Variants in PEX7 observed in about 807,000 individuals in gnomAD.
PEX7 encodes peroxisomal biogenesis factor 7, also known as PTS2 receptor.
A neutral mutation model predicts 47.5 loss-of-function variants in PEX7; 34 were observed. The observed-to-expected ratio is 0.72, with a 90% CI of 0.54 to 0.95. The LOEUF is 0.95. PEX7 is among the 40% of genes least tolerant of loss of function. PEX7 has a pLI of 0.00. For synonymous variants in PEX7, 141 were observed against 148.8 expected, an observed-to-expected ratio of 0.95 and a Z score of 0.38; for missense variants, 394 against 400.3, an observed-to-expected ratio of 0.98 and a Z score of 0.13.
chr6:136,837,667 T>C (rs1034810872), intron 3 of PEX7, among the ~76,000 whole-genome samples: 5 of 152,112 alleles, frequency 3.3e-5, no homozygotes, highest in African/African-American at 1.2e-4. Flanking sequence ...ATGCAAGATA[T>C]CTTCTTGTGT....
In PEX7 at chr6:136,846,095, C is replaced by T. The variant is rs767150609; in HGVS notation, c.440C>T (p.Ser147Phe). ...TAGTGGGATCCAACTGTTGGAAAGT[C>T]TCTGTGCACCTTTAGAGGCCATGAA... ...VKLWDPTVGK[S>F]LCTFRGHESI... The change falls in exon 5 of 10, where the codon TCT becomes TTT. Residue 147 changes from serine to phenylalanine, a missense_variant. By Grantham distance (155) the Ser-to-Phe change is radical. Transcript: ENST00000318471. The T allele has an allele frequency of 6.2e-7, 1 of 1,611,858 alleles. No homozygotes were observed. The highest frequency in any genetic ancestry group is 1.1e-5 in the South Asian group (1 of 90,996).
Position 136,822,751 on chromosome 6 carries a change from C to T in PEX7, c.86C>T (p.Pro29Leu), listed in dbSNP as rs757852291. ...GCCGCCGAGTTCTCCCCGTACCTGC[C>T]GGGCCGCCTGGCCTGCGCCACCGCG... ...GYAAEFSPYL[P>L]GRLACATAQH... The change falls in exon 1 of 10, where the codon CCG becomes CTG. Residue 29 changes from proline to leucine, a missense_variant. Pro to Leu is a moderately conservative substitution (Grantham distance 98, BLOSUM62 -3). Coordinates refer to ENST00000318471, the MANE Select transcript of PEX7 (RefSeq NM_000288.4). 44 of 1,488,770 alleles carry T rather than the reference C, an allele frequency of 3.0e-5. No individual in the cohort carries two copies. Among genetic ancestry groups the T allele is most frequent in the Middle Eastern group, 2.3e-4 (1 of 4,256 alleles). The allele number at this position is 1,488,770 out of a possible 1,614,324, so 92.2% of individuals were successfully genotyped here. A position where few individuals can be genotyped will look rare whatever the true frequency, so the allele number is the denominator to read the frequency against.
intron 3 of PEX7, among the ~76,000 whole-genome samples, chr6:136,836,912 A>G (rs1309660262): frequency 6.6e-6 from 1 of 152,152 alleles, no homozygotes; most frequent in East Asian, 1.9e-4. Flanking sequence ...AAATCATGCC[A>G]CTGCACTCCA....
chr6:136,825,133 A>G, intron 1 of PEX7, 81 bp from the exon 2 acceptor site: 1 of 1,122,608 alleles, frequency 8.9e-7, no homozygotes, highest in East Asian at 2.3e-5. Context: ...AAAATCAGGT[A>G]TCAATTACTT....
intron 8 of PEX7, among the ~76,000 whole-genome samples, chr6:136,883,889 G>A (rs187610433): frequency 4.9e-4 from 75 of 152,262 alleles, no homozygotes; most frequent in Non-Finnish European, 8.8e-4. Context: ...ACGAAGTGGA[G>A]CATTGCTTCA....
At position 136,848,530 on chromosome 6, in the gene PEX7, A is replaced by C. The variant is rs142677224; in HGVS notation, c.526+2349A>C. Reference sequence around the variant, plus strand: ...TTATTTTGAGATACATCCCATCAATACCTAGTTTATTGAGAGTTTTTAGCA... The same window carrying C: ...TTATTTTGAGATACATCCCATCAATCCCTAGTTTATTGAGAGTTTTTAGCA... On this transcript the variant is annotated intron_variant, in intron 5 of 9. Transcript: ENST00000318471. Among the ~76,000 whole-genome samples the C allele has an allele frequency of 3.8e-3, 576 of 152,262 alleles. 3 individuals carry two copies. The highest frequency in any genetic ancestry group is 0.012 in the African/African-American group (497 of 41,556).
intron 5 of PEX7, among the ~76,000 whole-genome samples, chr6:136,857,990 A>T (rs537045550): frequency 6.6e-6 from 1 of 151,996 alleles, no homozygotes; most frequent in South Asian, 2.1e-4. Flanking sequence ...TAATTTTTGT[A>T]TTTTTGGTAG....
At chr6:136,893,588 C>T (rs1464259497) in intron 8 of PEX7, among the ~76,000 whole-genome samples, 1 of 152,202 alleles carries the variant, frequency 6.6e-6, no homozygotes, top group African/African-American at 2.4e-5. Flanking sequence ...TGGTGCTTAG[C>T]ACCTACCTGG....
intron 5 of PEX7, among the ~76,000 whole-genome samples, chr6:136,856,714 A>G (rs1405004593): frequency 6.6e-6 from 1 of 152,240 alleles, no homozygotes; most frequent in Non-Finnish European, 1.5e-5. Context: ...TGTTACCCAA[A>G]CAACATGGAT....
At chr6:136,890,427 TTCC>T (rs1208496939) in intron 8 of PEX7, among the ~76,000 whole-genome samples, 1 of 152,214 alleles carries the variant, frequency 6.6e-6, no homozygotes, top group Non-Finnish European at 1.5e-5. Context: ...GACTTTGTCA[TTCC>T]TCCTCCTCCT....
chr6:136,900,794 C>T lies in PEX7; in HGVS notation c.903+2553C>T. On this transcript the variant is annotated intron_variant, in intron 9 of 9. Transcript: ENST00000318471. This position sits in a 1 kb window ranked among gnomAD's most constrained non-coding sequence, Gnocchi z 4.2. ...GGTGGTCTCTTAGTGGGGACATCCC[C>T]TTTGCCAACAGCTTTCTTCTCAGCC... 2 of 327,376 alleles carry T rather than the reference C, an allele frequency of 6.1e-6. No individual in the cohort carries two copies. The highest frequency in any genetic ancestry group is 5.5e-5 in the South Asian group (2 of 36,358). 20.3% of individuals were successfully genotyped at this position (327,376 alleles called of 1,614,324 possible).
intron 3 of PEX7, among the ~76,000 whole-genome samples, chr6:136,843,554 T>C (rs971837778): frequency 6.6e-6 from 1 of 152,236 alleles, no homozygotes; most frequent in Non-Finnish European, 1.5e-5. Flanking sequence ...AAATCTAAAG[T>C]ATTTACCATA....
At chr6:136,880,040 G>A (rs1775349838) in intron 8 of PEX7, among the ~76,000 whole-genome samples, 1 of 149,876 alleles carries the variant, frequency 6.7e-6, no homozygotes, top group Non-Finnish European at 1.5e-5. Context: ...GGGTTTTGTT[G>A]GTTTTTTTTC....
At chr6:136,844,064 T>C (rs758410761) in intron 3 of PEX7, among the ~76,000 whole-genome samples, 14 of 152,198 alleles carry the variant, frequency 9.2e-5, no homozygotes, top group Non-Finnish European at 1.8e-4. Flanking sequence ...TTATTATGAT[T>C]GGCAAATAAA....
At chr6:136,852,299 G>T (rs1430827923) in intron 5 of PEX7, among the ~76,000 whole-genome samples, 4 of 150,304 alleles carry the variant, frequency 2.7e-5, no homozygotes, top group Non-Finnish European at 5.9e-5. Flanking sequence ...AGTGTTGGAA[G>T]TTCTGGCCAG....
intron 5 of PEX7, among the ~76,000 whole-genome samples, chr6:136,853,679 A>C (rs1774802396): frequency 6.6e-6 from 1 of 152,166 alleles, no homozygotes; most frequent in African/African-American, 2.4e-5. Flanking sequence ...ATATACAGAC[A>C]AGTATATCCA....
At chr6:136,898,114 A>C in intron 8 of PEX7, 28 bp from the exon 9 acceptor site, 1 of 1,341,978 alleles carries the variant, frequency 7.5e-7, no homozygotes, top group South Asian at 1.2e-5. Flanking sequence ...TTAGCATTTA[A>C]ATTATTCCCT....
Position 136,900,495 on chromosome 6 carries a change from G to A in PEX7, c.903+2254G>A, listed in dbSNP as rs568327183. 3 of 480,874 alleles carry A rather than the reference G, an allele frequency of 6.2e-6. No individual in the cohort carries two copies. The highest frequency in any genetic ancestry group is 1.5e-5 in the South Asian group (1 of 65,818). The allele number at this position is 480,874 out of a possible 1,614,324, so 29.8% of individuals were successfully genotyped here. ...AGTGACAGCAGATCTCATCGTGTCTGTCATTGTAATTGGTCCTGATAGCTT... is the reference window on the plus strand; with the variant it reads ...AGTGACAGCAGATCTCATCGTGTCTATCATTGTAATTGGTCCTGATAGCTT... On this transcript the variant is annotated intron_variant, in intron 9 of 9. Transcript: ENST00000318471. The surrounding 1 kb of genome is among the most constrained non-coding windows in gnomAD (Gnocchi z 4.2).
chr6:136,823,234 C>T (rs1213337425), intron 1 of PEX7: 2 of 985,294 alleles, frequency 2.0e-6, no homozygotes, highest in Admixed American at 6.1e-5. Flanking sequence ...AGTCTGCATT[C>T]GAGCACTGAG....
Sources: gnomAD v4.1 joint callset for allele counts (sites outside exome capture counted in the v4.1 genomes callset) on GRCh38, gnomAD v4.1.1 for gene constraint, Gnocchi (gnomAD v3.1) non-coding constraint, MANE v1.5 for transcripts, NCBI Gene and HGNC (gene_info 2026-07-23, HGNC 2026-07-21) for gene names.